Variants in ZNF254 observed in about 807,000 individuals in gnomAD.
The protein encoded by ZNF254 is CTD-2017D11.1.
A neutral mutation model predicts 12.4 loss-of-function variants in ZNF254; 10 were observed. The ratio of observed to expected loss-of-function variants is 0.80; its 90% confidence interval spans 0.50 to 1.36. ZNF254 has a LOEUF of 1.36. Among genes scored for constraint, ZNF254 ranks in the 40% most tolerant of loss-of-function variants. ZNF254 has a pLI of 0.00. For missense variants in ZNF254, 996 were observed against 763.9 expected (o/e 1.30, Z -3.58); for synonymous variants, 305 against 253.4 (o/e 1.20, Z -1.93).
intron 3 of ZNF254, among the ~76,000 whole-genome samples, chr19:24,111,069 A>G (rs1472397863): frequency 6.6e-6 from 1 of 151,604 alleles, no homozygotes; most frequent in South Asian, 2.1e-4. Context: ...GTCATTTACC[A>G]TTAGGTATAT....
At chr19:24,120,237 T>A (rs1568470479) in intron 3 of ZNF254, among the ~76,000 whole-genome samples, 1 of 152,152 alleles carries the variant, frequency 6.6e-6, no homozygotes, top group African/African-American at 2.4e-5. Flanking sequence ...TCTGCCCCCA[T>A]GATTCAATTA....
chr19:24,039,389 T>G (rs1970078137), intron 1 of ZNF254, among the ~76,000 whole-genome samples: 1 of 152,120 alleles, frequency 6.6e-6, no homozygotes, highest in Non-Finnish European at 1.5e-5. Context: ...ATGTGTGAGT[T>G]GTATTACTGG....
At position 24,068,132 on chromosome 19, in the gene ZNF254, G is replaced by A. The variant is rs771689469; in HGVS notation, c.-94+21853G>A. On this transcript the variant is annotated intron_variant, in intron 2 of 4. Coordinates refer to the ZNF254 transcript ENST00000613065. Reference sequence around the variant, plus strand: ...TTTTGGCATCCATCACCTAAGAAACGTGGCTCTCCTCACCTACATGCACCA... The same window carrying A: ...TTTTGGCATCCATCACCTAAGAAACATGGCTCTCCTCACCTACATGCACCA... 2.6e-5 allele frequency among the ~76,000 whole-genome samples: 4 copies of A among 152,282 alleles called. 1 individual carries two copies. Among genetic ancestry groups the A allele is most frequent in the African/African-American group, 4.8e-5 (2 of 41,564 alleles).
intron 3 of ZNF254, among the ~76,000 whole-genome samples, chr19:24,116,239 GC>G (rs1429142017): frequency 1.3e-5 from 2 of 151,994 alleles, no homozygotes; most frequent in African/African-American, 4.8e-5. Flanking sequence ...CTGAATGTTG[GC>G]CTGCCTTGCT....
intron 2 of ZNF254, among the ~76,000 whole-genome samples, chr19:24,055,035 T>C (rs1414656689): frequency 6.6e-6 from 1 of 151,312 alleles, no homozygotes; most frequent in Non-Finnish European, 1.5e-5. Flanking sequence ...ACCCCATCTC[T>C]ACTAAAAAAT....
At chr19:24,092,172 T>A (rs1216384406) in intron 1 of ZNF254, among the ~76,000 whole-genome samples, 1 of 128,764 alleles carries the variant, frequency 7.8e-6, no homozygotes, top group Non-Finnish European at 1.7e-5. Flanking sequence ...GTGCCTGGCC[T>A]TTTTTTTTTT....
At position 24,049,184 on chromosome 19, in the gene ZNF254, TTATATATATA is replaced by T. The variant is rs1159690517; in HGVS notation, c.-94+2927_-94+2936del. 4.9e-4 allele frequency among the ~76,000 whole-genome samples: 31 copies of T among 63,156 alleles called. 1 individual carries two copies. The highest frequency in any genetic ancestry group is 4.4e-3 in the East Asian group (7 of 1,586). The allele number at this position is 63,156 out of a possible 152,430, so 41.4% of individuals were successfully genotyped here. A position where few individuals can be genotyped will look rare whatever the true frequency, so the allele number is the denominator to read the frequency against. On this transcript the variant is annotated intron_variant, in intron 2 of 4. Coordinates refer to the ZNF254 transcript ENST00000613065. The stretch of plus-strand genomic sequence containing the variant: ...TTGCTATGTTTTTCAGGCTCTGGTT[TTATATATATA>T]TATATATATATATATATATATTTTT...
chr19:24,046,373 T>TATATATATATATATATATATATATA (rs1555750839), intron 2 of ZNF254: 50 of 95,474 alleles, frequency 5.2e-4, no homozygotes, highest in South Asian at 6.8e-4. Flanking sequence ...TTATTATTTT[T>TATATATATATATATATATATATATA]TATATATATA....
upstream of ZNF254, among the ~76,000 whole-genome samples, chr19:24,084,551 G>A (rs1971957969): frequency 6.6e-6 from 1 of 151,880 alleles, no homozygotes. Context: ...AAAAACTTTG[G>A]AAATAATAAT....
chr19:24,090,965 T>C (rs1334073858), intron 1 of ZNF254, among the ~76,000 whole-genome samples: 1 of 147,422 alleles, frequency 6.8e-6, no homozygotes, highest in Admixed American at 6.8e-5. Flanking sequence ...TTTTTTTTTT[T>C]TGAGACAGAG....
chr19:24,111,466 C>T (rs536649714), intron 3 of ZNF254, among the ~76,000 whole-genome samples: 1 of 152,212 alleles, frequency 6.6e-6, no homozygotes, highest in Non-Finnish European at 1.5e-5. Flanking sequence ...GGGTATCTAC[C>T]CAGTAATGGG....
chr19:24,040,875 A>G (rs66513379), intron 1 of ZNF254, among the ~76,000 whole-genome samples: 24,514 of 152,192 alleles, frequency 0.16, 2,144 homozygotes, highest in Middle Eastern at 0.23. Flanking sequence ...GTTGCAATAA[A>G]GGTATTAGAT....
chr19:24,126,766 C>T lies in ZNF254; in HGVS notation c.766C>T (p.His256Tyr), dbSNP rs1477164739. 3.7e-6 allele frequency: 6 copies of T among 1,613,240 alleles called. No individual in the cohort carries two copies. The highest frequency in any genetic ancestry group is 4.2e-6 in the Non-Finnish European group (5 of 1,179,708). Reference protein sequence around the residue: ...SPKQLSTLTTHEIIHAGEKLY... With the variant: ...SPKQLSTLTTYEIIHAGEKLY... ...TAAGCAACTCTCAACCCTTACTACA[C>T]ATGAAATAATTCATGCTGGAGAGAA... is the stretch of plus-strand genomic sequence containing the variant. The change falls in exon 4 of 4, where the codon CAT becomes TAT. Residue 256 changes from histidine (H) to tyrosine (Y), a missense_variant. Coordinates refer to ENST00000357002, the MANE Select transcript of ZNF254 (RefSeq NM_203282.4).
chr19:24,065,988 C>T (rs577046119), intron 2 of ZNF254: 1 of 152,118 alleles, frequency 6.6e-6, no homozygotes, highest in South Asian at 2.1e-4. Context: ...ACATCACTGG[C>T]CTAGCATCTA....
chr19:24,105,275 T>C (rs1021041850), intron 1 of ZNF254: 2 of 168,046 alleles, frequency 1.2e-5, no homozygotes, highest in African/African-American at 4.8e-5. Context: ...TTTTGTCTTT[T>C]TCTTTTTTTT....
chr19:24,049,014 G>A (rs1285110965), intron 2 of ZNF254: 1 of 151,400 alleles, frequency 6.6e-6, no homozygotes, highest in Admixed American at 6.6e-5. Context: ...GGCCTCTCAA[G>A]GTACTGAGCT....
intron 1 of ZNF254, among the ~76,000 whole-genome samples, chr19:24,045,699 C>T (rs1970357674): frequency 6.6e-6 from 1 of 151,584 alleles, no homozygotes; most frequent in African/African-American, 2.4e-5. Context: ...GAAATCTAGC[C>T]CCTTCTTCGG....
chr19:24,111,082 C>T (rs1209344337), intron 3 of ZNF254, among the ~76,000 whole-genome samples: 2 of 151,438 alleles, frequency 1.3e-5, no homozygotes, highest in Admixed American at 6.6e-5. Flanking sequence ...AGGTATATCT[C>T]CTAATGCTAT....
At chr19:24,048,233 A>G (rs1384020254) in intron 2 of ZNF254, among the ~76,000 whole-genome samples, 1 of 151,694 alleles carries the variant, frequency 6.6e-6, no homozygotes, top group African/African-American at 2.4e-5. Flanking sequence ...TCAGAGATTC[A>G]AAGCTTAGGA....
Sources: gnomAD v4.1 joint callset for allele counts (sites outside exome capture counted in the v4.1 genomes callset) on GRCh38, gnomAD v4.1.1 for gene constraint, MANE v1.5 for transcripts, NCBI Gene and HGNC (gene_info 2026-07-23, HGNC 2026-07-21) for gene names.